Variants in ERO1B observed in about 807,000 individuals in gnomAD.
The protein encoded by ERO1B is endoplasmic reticulum oxidoreductase 1 beta.
Under a neutral mutation model 75.3 loss-of-function variants are expected in ERO1B, and 49 were observed. The ratio of observed to expected loss-of-function variants is 0.65; its 90% CI spans 0.52 to 0.83. The LOEUF (loss-of-function observed/expected upper bound fraction) is 0.83, where lower values mean the gene tolerates loss of function less well. Ranked by LOEUF, ERO1B falls within the 40% of genes least tolerant of loss-of-function variation. The probability of loss-of-function intolerance (pLI) is 0.00; values close to 1 mark genes in which losing one functional copy is unlikely to be tolerated. For synonymous variants in ERO1B, 191 were observed against 192.9 expected (o/e 0.99, Z 0.08); for missense variants, 512 against 560.1 (o/e 0.91, Z 0.87).
intron 5 of ERO1B, among the ~76,000 whole-genome samples, chr1:236,244,583 T>C (rs12031675): frequency 0.069 from 10,456 of 152,208 alleles, 746 homozygotes; most frequent in East Asian, 0.39. Flanking sequence ...AACAAATCAA[T>C]AGTGATACAA....
rs1053363181 is a variant in ERO1B at position 236,251,555 on chromosome 1, C to T, written c.348+495G>A. The T allele has an allele frequency of 1.7e-5, 11 of 648,270 alleles. No individual in the cohort carries two copies. The East Asian group carries it at 4.1e-4, about 24-fold the overall frequency. The allele number at this position is 648,270 out of a possible 1,614,324, so 40.2% of individuals were successfully genotyped here. A position where few individuals can be genotyped will look rare whatever the true frequency, so the allele number is the denominator to read the frequency against. On this transcript the variant is annotated intron_variant, in intron 4 of 15. Coordinates refer to ENST00000354619, the MANE Select transcript of ERO1B (RefSeq NM_019891.4). Reference sequence around the variant, plus strand: ...GGTATGATGATCTTTATTATGGATGCGCAGTAGTGAAAAACAGGAAATAAA... The same window carrying T: ...GGTATGATGATCTTTATTATGGATGTGCAGTAGTGAAAAACAGGAAATAAA...
intron 1 of ERO1B, among the ~76,000 whole-genome samples, chr1:236,272,075 G>GA (rs1189468083): frequency 9.9e-5 from 15 of 152,024 alleles, no homozygotes; most frequent in African/African-American, 3.4e-4. Flanking sequence ...CAAGGATGTG[G>GA]AAAAAAGGGA....
At chr1:236,248,115 C>A (rs562610224) in intron 5 of ERO1B, among the ~76,000 whole-genome samples, 1 of 152,092 alleles carries the variant, frequency 6.6e-6, no homozygotes, top group African/African-American at 2.4e-5. Context: ...TTATCCATTA[C>A]GCTACTGGAT....
At chr1:236,252,136 T>C (rs1377388306) in intron 3 of ERO1B, 45 bp from the exon 4 acceptor site, 1 of 1,264,058 alleles carries the variant, frequency 7.9e-7, no homozygotes, top group Admixed American at 1.9e-5. Context: ...GTGATCTTTA[T>C]TTTTTTTGGA....
intron 4 of ERO1B, among the ~76,000 whole-genome samples, chr1:236,250,601 A>ATATATATATATATATATATATATATATAT (rs1558515525): frequency 1.6e-5 from 1 of 63,948 alleles, no homozygotes; most frequent in African/African-American, 5.6e-5. Flanking sequence ...ATATATATAT[A>ATATATATATATATATATATATATATATAT]TATATATATA....
At chr1:236,264,762 T>C (rs1665379716) in intron 2 of ERO1B, among the ~76,000 whole-genome samples, 1 of 152,054 alleles carries the variant, frequency 6.6e-6, no homozygotes, top group African/African-American at 2.4e-5. Context: ...GGAGAATCAC[T>C]TGAACCCAGG....
At chr1:236,241,411 G>C (rs963847293) in intron 6 of ERO1B, among the ~76,000 whole-genome samples, 9 of 152,170 alleles carry the variant, frequency 5.9e-5, no homozygotes, top group African/African-American at 2.2e-4. Context: ...AGCTGTGCAT[G>C]GTGGTGCATG....
At chr1:236,226,595 A>G (rs1367238103) in intron 11 of ERO1B, 52 bp downstream of exon 11, 1 of 1,595,774 alleles carries the variant, frequency 6.3e-7, no homozygotes, top group Non-Finnish European at 8.5e-7. Flanking sequence ...TATTCTCTCC[A>G]ATAATTTTTA....
At chr1:236,274,185 T>C (rs977226094) in intron 1 of ERO1B, among the ~76,000 whole-genome samples, 2 of 152,130 alleles carry the variant, frequency 1.3e-5, no homozygotes, top group Non-Finnish European at 2.9e-5. Flanking sequence ...CGTTTCACCA[T>C]GTTGGCCAGG....
At chr1:236,242,656 A>G (rs73114920) in intron 6 of ERO1B, among the ~76,000 whole-genome samples, 10,475 of 152,142 alleles carry the variant, frequency 0.069, 754 homozygotes, top group East Asian at 0.39. Context: ...GTTCCAAAGA[A>G]CTACTATTTC....
chr1:236,233,617 T>G (rs866537535), intron 8 of ERO1B, among the ~76,000 whole-genome samples: 41 of 151,562 alleles, frequency 2.7e-4, no homozygotes, highest in Middle Eastern at 3.4e-3. Context: ...AAAAAAAGAT[T>G]TGCACATTTT....
In ERO1B at chr1:236,215,546, CAG is replaced by C; in HGVS notation, c.*2968_*2969del. The C allele has an allele frequency of 6.6e-6, 1 of 152,100 alleles. No homozygotes were observed. Among genetic ancestry groups the C allele is most frequent in the African/African-American group, 2.4e-5 (1 of 41,424 alleles). 9.4% of individuals were successfully genotyped at this position (152,100 alleles called of 1,614,324 possible). A position where few individuals can be genotyped will look rare whatever the true frequency, so the allele number is the denominator to read the frequency against. On this transcript the variant is annotated 3_prime_UTR_variant, in exon 16 of 16. Coordinates refer to ENST00000354619, the MANE Select transcript of ERO1B (RefSeq NM_019891.4). ...CTTAAAATAGCGGGGAAAAACAAGA[CAG>C]AAAAGATTGCAGAAACATGTACTTT...
At chr1:236,235,702 AATG>A (rs1664522291) in intron 8 of ERO1B, 84 bp downstream of exon 8, 1 of 1,185,444 alleles carries the variant, frequency 8.4e-7, no homozygotes, top group African/African-American at 1.6e-5. Flanking sequence ...AAAATATAAA[AATG>A]AAAGTTTTTT....
intron 2 of ERO1B, among the ~76,000 whole-genome samples, chr1:236,265,264 A>G (rs1428640989): frequency 6.6e-6 from 1 of 152,170 alleles, no homozygotes; most frequent in Non-Finnish European, 1.5e-5. Flanking sequence ...AATATACATC[A>G]TTCTTATTAT....
intron 2 of ERO1B, 48 bp downstream of exon 2, chr1:236,269,827 C>T: frequency 7.4e-7 from 1 of 1,348,370 alleles, no homozygotes; most frequent in Admixed American, 2.2e-5. Flanking sequence ...TCATAAAGGT[C>T]ACATATAATA....
chr1:236,279,680 A>ACAC (rs373887157), intron 1 of ERO1B, among the ~76,000 whole-genome samples: 46 of 148,560 alleles, frequency 3.1e-4, no homozygotes, highest in African/African-American at 1.0e-3. Flanking sequence ...AAAAAAAAAA[A>ACAC]ACACACACAC....
chr1:236,227,395 A>G (rs148301102), intron 10 of ERO1B, among the ~76,000 whole-genome samples: 315 of 152,348 alleles, frequency 2.1e-3, no homozygotes, highest in Non-Finnish European at 3.6e-3. Flanking sequence ...TAAGAGGTCA[A>G]GATATCCCGT....
At chr1:236,223,087 A>C (rs1190710484) in intron 13 of ERO1B, among the ~76,000 whole-genome samples, 1 of 151,806 alleles carries the variant, frequency 6.6e-6, no homozygotes, top group Non-Finnish European at 1.5e-5. Context: ...CTGTAATCCC[A>C]GCTACTTGGG....
At chr1:236,249,625 C>G (rs951655233) in intron 5 of ERO1B, among the ~76,000 whole-genome samples, 2 of 152,004 alleles carry the variant, frequency 1.3e-5, no homozygotes, top group African/African-American at 2.4e-5. Context: ...ATCCATAAAC[C>G]CTGTTAGCTG....
Sources: gnomAD v4.1 joint callset for allele counts (sites outside exome capture counted in the v4.1 genomes callset) on GRCh38, gnomAD v4.1.1 for gene constraint, MANE v1.5 for transcripts, NCBI Gene and HGNC (gene_info 2026-07-23, HGNC 2026-07-21) for gene names.